Variants in QKI observed in about 807,000 individuals in gnomAD.
QKI encodes KH domain-containing RNA-binding protein QKI.
In QKI, 10 loss-of-function variants were observed where a neutral mutation model predicts 39.0. The ratio of observed to expected loss-of-function variants is 0.26; its 90% confidence interval spans 0.16 to 0.43. The LOEUF (loss-of-function observed/expected upper bound fraction) is 0.43, where lower values mean the gene tolerates loss of function less well. QKI is among the 20% of genes least tolerant of loss of function. The pLI, the probability that QKI is intolerant of heterozygous loss-of-function variation, is 1.00. For synonymous variants in QKI, 204 were observed against 155.4 expected, an observed-to-expected ratio of 1.31 and a Z score of -2.33; for missense variants, 218 against 428.0, an observed-to-expected ratio of 0.51 and a Z score of 4.33.
chr6:163,530,842 G>C (rs1386405882), intron 3 of QKI, among the ~76,000 whole-genome samples: 1 of 152,076 alleles, frequency 6.6e-6, no homozygotes, highest in Non-Finnish European at 1.5e-5. Flanking sequence ...ATTCCTTGTG[G>C]TGAAAACTCA....
chr6:163,452,161 G>T (rs1434828054), intron 1 of QKI, among the ~76,000 whole-genome samples: 2 of 152,196 alleles, frequency 1.3e-5, no homozygotes, highest in East Asian at 3.9e-4. Context: ...ACTGGAATCA[G>T]AACTTGCTCT....
At chr6:163,440,696 C>T (rs1789700346) in intron 1 of QKI, among the ~76,000 whole-genome samples, 1 of 152,172 alleles carries the variant, frequency 6.6e-6, no homozygotes, top group Admixed American at 6.5e-5. Context: ...TGCTACTCTG[C>T]TTCAACTATA....
chr6:163,447,489 C>T (rs569241109), intron 1 of QKI, among the ~76,000 whole-genome samples: 2 of 152,196 alleles, frequency 1.3e-5, no homozygotes, highest in South Asian at 4.1e-4. Flanking sequence ...TAACATACTT[C>T]TCTTCATCTC....
intron 1 of QKI, among the ~76,000 whole-genome samples, chr6:163,453,494 G>A (rs983224696): frequency 1.4e-4 from 21 of 152,104 alleles, no homozygotes; most frequent in African/African-American, 4.8e-4. Context: ...TTTTTCTAAT[G>A]TCCCTTGGTT....
chr6:163,445,188 C>G (rs1583000222), intron 1 of QKI, among the ~76,000 whole-genome samples: 1 of 152,110 alleles, frequency 6.6e-6, no homozygotes, highest in East Asian at 1.9e-4. Flanking sequence ...TGGATGTTAA[C>G]TCATATAATC....
chr6:163,499,392 T>C (rs769644474), intron 3 of QKI, among the ~76,000 whole-genome samples: 5 of 152,178 alleles, frequency 3.3e-5, no homozygotes, highest in Non-Finnish European at 5.9e-5. Flanking sequence ...AAGATAGTCA[T>C]TGACTCATCA....
intron 3 of QKI, among the ~76,000 whole-genome samples, chr6:163,512,690 T>C (rs1181839821): frequency 6.6e-6 from 1 of 152,104 alleles, no homozygotes; most frequent in East Asian, 1.9e-4. Flanking sequence ...AATGACACTA[T>C]TTACATTATT....
At chr6:163,460,050 A>G (rs1327443674) in intron 2 of QKI, among the ~76,000 whole-genome samples, 1 of 152,180 alleles carries the variant, frequency 6.6e-6, no homozygotes, top group East Asian at 1.9e-4. Context: ...AAGTTGTTAG[A>G]AATTGTTCTA....
intron 4 of QKI, among the ~76,000 whole-genome samples, chr6:163,556,404 TG>T: frequency 6.7e-6 from 1 of 148,666 alleles, no homozygotes; most frequent in East Asian, 2.0e-4. Context: ...CCCAGCTACT[TG>T]GGAGGCTGAG....
At chr6:163,553,060 ATTTT>A (rs1213560931) in intron 4 of QKI, among the ~76,000 whole-genome samples, 74 of 131,390 alleles carry the variant, frequency 5.6e-4, no homozygotes, top group Non-Finnish European at 7.5e-4. Flanking sequence ...TTTTTTTTTA[ATTTT>A]TATTTATTTA....
intron 3 of QKI, among the ~76,000 whole-genome samples, chr6:163,495,693 C>T (rs887539730): frequency 8.5e-5 from 13 of 152,122 alleles, no homozygotes; most frequent in Admixed American, 7.2e-4. Context: ...TGCCCTGTCT[C>T]TTACAGTGTA....
chr6:163,437,401 ATTTG>A (rs752841963), intron 1 of QKI, among the ~76,000 whole-genome samples: 1 of 152,210 alleles, frequency 6.6e-6, no homozygotes, highest in Non-Finnish European at 1.5e-5. Context: ...GAATATAATT[ATTTG>A]TTTATGAGAT....
At chr6:163,550,948 C>CAAA (rs398003272) in intron 4 of QKI, among the ~76,000 whole-genome samples, 9 of 136,380 alleles carry the variant, frequency 6.6e-5, no homozygotes, top group African/African-American at 8.1e-5. Flanking sequence ...CTCTGTCTCA[C>CAAA]AAAAAAAAAA....
chr6:163,479,007 C>CG lies in QKI; in HGVS notation c.402+114dup. 1.1e-5 allele frequency: 10 copies of CG among 891,408 alleles called. 1 individual carries two copies. The South Asian group carries it at 1.8e-4, about 16-fold the overall frequency. The allele number at this position is 891,408 out of a possible 1,614,324, so 55.2% of individuals were successfully genotyped here. A position where few individuals can be genotyped will look rare whatever the true frequency, so the allele number is the denominator to read the frequency against. On this transcript the variant is annotated intron_variant, in intron 3 of 7. Coordinates refer to ENST00000361752, the MANE Select transcript of QKI (RefSeq NM_006775.3). Reference sequence around the variant, plus strand: ...GTGCTTAAAACACTATATTCCAGGCCGGGCGCGGTGGCTCACGCCTGTAAT... The same window carrying CG: ...GTGCTTAAAACACTATATTCCAGGCCGGGGCGCGGTGGCTCACGCCTGTAAT...
rs143997980 is a variant in QKI at position 163,504,325 on chromosome 6, T to G, written c.402+25429T>G. On this transcript the variant is annotated intron_variant, in intron 3 of 7. Coordinates refer to ENST00000361752, the MANE Select transcript of QKI (RefSeq NM_006775.3). ...TAGGTTTGTTCCTTTTGCTTAGGAT[T>G]GCTTTTCCTATTTGGGCTCTTTTTT... 3.5e-3 allele frequency among the ~76,000 whole-genome samples: 538 copies of G among 152,324 alleles called. 2 individuals are homozygous for G. Among genetic ancestry groups the G allele is most frequent in the Non-Finnish European group, 5.8e-3 (393 of 68,020 alleles).
chr6:163,561,257 C>T (rs773510968), intron 4 of QKI, among the ~76,000 whole-genome samples: 34 of 152,152 alleles, frequency 2.2e-4, no homozygotes, highest in South Asian at 8.3e-4. Context: ...TGTGCACGCG[C>T]GTGTGTGTAT....
At chr6:163,435,565 T>C (rs951476255) in intron 1 of QKI, among the ~76,000 whole-genome samples, 5 of 152,242 alleles carry the variant, frequency 3.3e-5, no homozygotes, top group African/African-American at 1.2e-4. Context: ...AGTATTCTAT[T>C]TAAGTGTTAG....
chr6:163,452,125 T>A (rs1790609971), intron 1 of QKI, among the ~76,000 whole-genome samples: 1 of 152,230 alleles, frequency 6.6e-6, no homozygotes, highest in Non-Finnish European at 1.5e-5. Context: ...GAAAGAGACT[T>A]GTCTAAAATC....
At position 163,414,994 on chromosome 6, in the gene QKI, G is replaced by A. The variant is rs936091836; in HGVS notation, c.-200G>A. 8.4e-6 allele frequency: 3 copies of A among 356,066 alleles called. No individual in the cohort carries two copies. The highest frequency in any genetic ancestry group is 7.8e-6 in the Non-Finnish European group (2 of 257,890). 22.1% of individuals were successfully genotyped at this position (356,066 alleles called of 1,614,324 possible). On this transcript the variant is annotated 5_prime_UTR_variant, in exon 1 of 8. Transcript: ENST00000361752. ...GGCGGCTGGGAGCGCGTCGGGCCCGGGCGGAAAGTGCCTGCGGGGGGCGGG... is the reference window on the plus strand; with the variant it reads ...GGCGGCTGGGAGCGCGTCGGGCCCGAGCGGAAAGTGCCTGCGGGGGGCGGG...
Sources: allele counts gnomAD v4.1 joint callset (sites outside exome capture counted in the v4.1 genomes callset), GRCh38; gene constraint gnomAD v4.1.1; transcripts MANE v1.5; gene names NCBI Gene and HGNC (gene_info 2026-07-23, HGNC 2026-07-21).